Variants in RNF141 observed in about 807,000 individuals in gnomAD.
RNF141 encodes the protein C3HC4-like zinc finger protein.
RNF141 carries 18 observed loss-of-function variants against 27.4 expected under a neutral mutation model. That is an observed-to-expected ratio of 0.66 (90% CI 0.45 to 0.97). The LOEUF (loss-of-function observed/expected upper bound fraction) is 0.97. RNF141 is among the 50% of genes least tolerant of loss of function. The pLI is 0.00. For synonymous variants in RNF141, 97 were observed against 96.6 expected, an observed-to-expected ratio of 1.00 and a Z score of -0.02; for missense variants, 230 against 279.4, an observed-to-expected ratio of 0.82 and a Z score of 1.26.
At chr11:10,530,385 T>C (rs1327422670) in intron 3 of RNF141, among the ~76,000 whole-genome samples, 2 of 152,048 alleles carry the variant, frequency 1.3e-5, no homozygotes. Flanking sequence ...AAAACAGAGA[T>C]AGAAGATTAG....
At chr11:10,531,413 AT>A (rs1439097924) in intron 2 of RNF141, among the ~76,000 whole-genome samples, 1 of 152,002 alleles carries the variant, frequency 6.6e-6, no homozygotes, top group Admixed American at 6.6e-5. Context: ...ATTTATCAAA[AT>A]TTTTTGACTG....
chr11:10,533,513 TA>T (rs1850007208), intron 2 of RNF141, among the ~76,000 whole-genome samples: 1 of 151,454 alleles, frequency 6.6e-6, no homozygotes, highest in Non-Finnish European at 1.5e-5. Context: ...TGTATTCCTC[TA>T]GCAAAATGAT....
In RNF141 at chr11:10,533,954, A is replaced by G. The variant is rs1033209106; in HGVS notation, c.143+62T>C. The G allele has an allele frequency of 4.2e-5, 63 of 1,484,066 alleles. No individual in the cohort carries two copies. The African/African-American group carries it at 7.8e-4, about 18-fold the overall frequency. The allele number at this position is 1,484,066 out of a possible 1,614,324, so 91.9% of individuals were successfully genotyped here. ...ACCTCTGGTTATATCTTACACAGCC[A>G]TGACATATGGGGCATACATACAACA... On this transcript the variant is annotated intron_variant, in intron 2 of 5. Coordinates refer to ENST00000265981, the MANE Select transcript of RNF141 (RefSeq NM_016422.4).
intron 4 of RNF141, 129 bp downstream of exon 4, chr11:10,525,061 TCA>T: frequency 1.6e-6 from 1 of 611,860 alleles, no homozygotes; most frequent in Non-Finnish European, 2.6e-6. Context: ...AAAACTGATC[TCA>T]GATACAATAC....
At chr11:10,516,261 A>C (rs1160760026) in intron 5 of RNF141, 1 of 152,258 alleles carries the variant, frequency 6.6e-6, no homozygotes, top group Non-Finnish European at 1.5e-5. Flanking sequence ...CAACCAACAG[A>C]GGCTAGATTT....
At chr11:10,537,613 A>G (rs1850050003) in intron 1 of RNF141, among the ~76,000 whole-genome samples, 1 of 152,160 alleles carries the variant, frequency 6.6e-6, no homozygotes, top group Non-Finnish European at 1.5e-5. Context: ...AAAACACACA[A>G]ATTTTATTTA....
chr11:10,535,686 TAAAC>T (rs750172992), intron 1 of RNF141, among the ~76,000 whole-genome samples: 1 of 151,926 alleles, frequency 6.6e-6, no homozygotes, highest in Non-Finnish European at 1.5e-5. Context: ...TTTCCAAAAA[TAAAC>T]AAAAATTCCC....
chr11:10,525,485 G>A (rs1804605723), intron 3 of RNF141, 112 bp from the exon 4 acceptor site: 1 of 751,912 alleles, frequency 1.3e-6, no homozygotes, highest in Non-Finnish European at 2.1e-6. Flanking sequence ...GGAGTTTTCA[G>A]GATTTGCAAA....
intron 1 of RNF141, among the ~76,000 whole-genome samples, chr11:10,536,814 T>C (rs1490114024): frequency 2.0e-5 from 3 of 152,158 alleles, no homozygotes; most frequent in Non-Finnish European, 2.9e-5. Flanking sequence ...GGGCAACAAG[T>C]ATGCTAAAAT....
chr11:10,512,229 AGT>A lies in RNF141; in HGVS notation c.*2685_*2686del, dbSNP rs148736029. 3,987 of 152,782 alleles carry A rather than the reference AGT, an allele frequency of 0.026. 72 individuals carry two copies. The highest frequency in any genetic ancestry group is 0.056 in the African/African-American group (2,341 of 41,580). The allele number at this position is 152,782 out of a possible 1,614,324, so 9.5% of individuals were successfully genotyped here. On this transcript the variant is annotated 3_prime_UTR_variant, in exon 6 of 6. Coordinates refer to ENST00000265981, the MANE Select transcript of RNF141 (RefSeq NM_016422.4). ...AGACAAAGCTGTACAGAATACAAAA[AGT>A]GTACATTTCATCCATTAAACAAATT...
chr11:10,537,022 CA>C (rs1850043644), intron 1 of RNF141, among the ~76,000 whole-genome samples: 1 of 152,076 alleles, frequency 6.6e-6, no homozygotes, highest in Admixed American at 6.6e-5. Context: ...AGTTTGGTAA[CA>C]ATGAAGCAAT....
At chr11:10,522,750 C>T (rs959555221) in intron 4 of RNF141, among the ~76,000 whole-genome samples, 2 of 152,186 alleles carry the variant, frequency 1.3e-5, no homozygotes, top group African/African-American at 4.8e-5. Flanking sequence ...ATAATAATGA[C>T]AGTTAACTCT....
At chr11:10,535,415 T>C (rs1367241901) in intron 1 of RNF141, among the ~76,000 whole-genome samples, 20 of 141,672 alleles carry the variant, frequency 1.4e-4, no homozygotes, top group East Asian at 2.1e-4. Flanking sequence ...ATAATAAATA[T>C]CACATTATAG....
rs948097688 is a variant in RNF141, at chr11:10,525,131, T to G, written c.434+61A>C. The G allele has an allele frequency of 7.1e-5, 90 of 1,271,322 alleles. No individual in the cohort carries two copies. The African/African-American group carries it at 1.3e-3, about 18-fold the overall frequency. The allele number at this position is 1,271,322 out of a possible 1,614,324, so 78.8% of individuals were successfully genotyped here. ...CAATGAGCAACAGCAAAAATATTAA[T>G]AGATTTCAGTTGTTTTCATATTAGA... On this transcript the variant is annotated intron_variant, in intron 4 of 5. Coordinates refer to ENST00000265981, the MANE Select transcript of RNF141 (RefSeq NM_016422.4).
intron 4 of RNF141, among the ~76,000 whole-genome samples, chr11:10,520,774 A>G (rs368653526): frequency 2.0e-5 from 3 of 152,338 alleles, no homozygotes; most frequent in Non-Finnish European, 4.4e-5. Flanking sequence ...TTGCATCACA[A>G]TATTAGGATG....
At chr11:10,520,061 C>T (rs1465240800) in intron 4 of RNF141, among the ~76,000 whole-genome samples, 2 of 152,196 alleles carry the variant, frequency 1.3e-5, no homozygotes, top group Admixed American at 6.5e-5. Flanking sequence ...GGGCTGCATG[C>T]AGCCCGTGGG....
rs1849809507 is a variant in RNF141, at chr11:10,512,501, C to T, written c.*2415G>A. 3 of 152,556 alleles carry T rather than the reference C, an allele frequency of 2.0e-5. No homozygotes were observed. In the South Asian group the frequency reaches 6.2e-4, roughly 32 times the overall value. The allele number at this position is 152,556 out of a possible 1,614,324, so 9.5% of individuals were successfully genotyped here. ...ATAACTCCTTGAAAGGTGAAGGATT[C>T]TGGGGGATAAAATCATTGGCTATCC... On this transcript the variant is annotated 3_prime_UTR_variant, in exon 6 of 6. Coordinates refer to ENST00000265981, the MANE Select transcript of RNF141 (RefSeq NM_016422.4).
chr11:10,535,094 A>C (rs554268200), intron 1 of RNF141, among the ~76,000 whole-genome samples: 459 of 150,436 alleles, frequency 3.1e-3, no homozygotes, highest in Non-Finnish European at 3.9e-3. Context: ...TATCCATCAA[A>C]GACTATCATT....
intron 1 of RNF141, chr11:10,540,847 T>C (rs1033139842): frequency 3.9e-5 from 6 of 152,102 alleles, no homozygotes; most frequent in East Asian, 1.9e-4. Context: ...GGAAAAACTC[T>C]CTCCGGGTCC....
Sources: gnomAD v4.1 joint callset for allele counts (sites outside exome capture counted in the v4.1 genomes callset) on GRCh38, gnomAD v4.1.1 for gene constraint, MANE v1.5 for transcripts, NCBI Gene and HGNC (gene_info 2026-07-23, HGNC 2026-07-21) for gene names.